Variants in THSD7A observed in about 807,000 individuals in gnomAD.
THSD7A encodes the protein thrombospondin type 1 domain containing 7A.
In THSD7A, 96 loss-of-function variants were observed where a neutral mutation model predicts 231.3. That is an observed-to-expected ratio of 0.41 (90% CI 0.35 to 0.49). The LOEUF is 0.49. Ranked by LOEUF, THSD7A falls within the 20% of genes least tolerant of loss-of-function variation. THSD7A has a pLI of 0.05. For synonymous variants in THSD7A, 940 were observed against 743.3 expected (o/e 1.26, Z -4.30); for missense variants, 2,290 against 2,070.2 (o/e 1.11, Z -2.06).
chr7:11,384,178 A>G (rs1317747195), intron 23 of THSD7A: 1 of 151,742 alleles, frequency 6.6e-6, no homozygotes, highest in African/African-American at 2.4e-5. Flanking sequence ...TATTTTTAAA[A>G]TTATACATGT....
chr7:11,485,143 C>A (rs1035409054), intron 6 of THSD7A, among the ~76,000 whole-genome samples: 3 of 151,978 alleles, frequency 2.0e-5, no homozygotes, highest in African/African-American at 7.3e-5. Context: ...CCTGCCTCAG[C>A]CTCCCAAAGT....
chr7:11,502,711 C>G (rs1276429801), intron 6 of THSD7A, among the ~76,000 whole-genome samples: 1 of 152,044 alleles, frequency 6.6e-6, no homozygotes, highest in East Asian at 1.9e-4. Context: ...TTCACAATTG[C>G]CACACACACA....
chr7:11,569,405 G>A (rs571739949), intron 4 of THSD7A, among the ~76,000 whole-genome samples: 2 of 152,112 alleles, frequency 1.3e-5, no homozygotes, highest in South Asian at 4.2e-4. Flanking sequence ...CATACAAATG[G>A]CCAACAGATA....
intron 4 of THSD7A, among the ~76,000 whole-genome samples, chr7:11,545,105 G>A (rs1583944599): frequency 6.6e-6 from 1 of 152,120 alleles, no homozygotes; most frequent in East Asian, 1.9e-4. Context: ...TTAAAGACAT[G>A]TATAGGCAGA....
At chr7:11,698,088 T>C (rs1185709581) in intron 1 of THSD7A, among the ~76,000 whole-genome samples, 1 of 151,444 alleles carries the variant, frequency 6.6e-6, no homozygotes, top group Non-Finnish European at 1.5e-5. Flanking sequence ...TCTGCTGGCA[T>C]GTCTGATTCT....
chr7:11,595,381 G>A (rs564405158), intron 2 of THSD7A, among the ~76,000 whole-genome samples: 35 of 152,184 alleles, frequency 2.3e-4, no homozygotes, highest in African/African-American at 6.5e-4. Flanking sequence ...AGATAGAGTC[G>A]GGTCAGGCTG....
chr7:11,602,525 T>G (rs964878092), intron 2 of THSD7A, among the ~76,000 whole-genome samples: 1 of 152,062 alleles, frequency 6.6e-6, no homozygotes, highest in Non-Finnish European at 1.5e-5. Flanking sequence ...CGTATTAGAA[T>G]TTGTCATGTT....
rs763604088 is a variant in THSD7A, at chr7:11,636,394, T to C, written c.758A>G (p.Tyr253Cys). 5.0e-6 allele frequency: 8 copies of C among 1,613,844 alleles called. No homozygotes were observed. The highest frequency in any genetic ancestry group is 1.7e-5 in the Admixed American group (1 of 60,028). ...SSPCEAEELRYSLHVGPWSTC... is the reference protein window; with the variant it reads ...SSPCEAEELRCSLHVGPWSTC... Reference sequence around the variant, plus strand: ...GCTCCAGGGCCCCACATGCAGGCTGTACCTGAGCTCCTCGGCCTCGCATGG... The same window carrying C: ...GCTCCAGGGCCCCACATGCAGGCTGCACCTGAGCTCCTCGGCCTCGCATGG... Residue 253 changes from tyrosine to cysteine, a missense_variant, in exon 2 of 28, where the codon TAC becomes TGC. Transcript: ENST00000423059. This position sits in a 1 kb window ranked among gnomAD's most constrained non-coding sequence, Gnocchi z 10.0.
intron 6 of THSD7A, among the ~76,000 whole-genome samples, chr7:11,523,563 C>A (rs1192719124): frequency 6.6e-6 from 1 of 151,866 alleles, no homozygotes; most frequent in Non-Finnish European, 1.5e-5. Flanking sequence ...CAGGAGTCTG[C>A]AGCTAGGAAA....
intron 13 of THSD7A, among the ~76,000 whole-genome samples, chr7:11,431,500 C>A (rs964271793): frequency 6.6e-6 from 1 of 152,098 alleles, no homozygotes; most frequent in Non-Finnish European, 1.5e-5. Flanking sequence ...AATCAGTTGA[C>A]CACAGTGTAA....
intron 23 of THSD7A, among the ~76,000 whole-genome samples, chr7:11,382,875 T>A (rs974989108): frequency 1.3e-5 from 2 of 151,436 alleles, no homozygotes; most frequent in African/African-American, 4.8e-5. Context: ...AAAAATATTA[T>A]GAAATAAATA....
At chr7:11,731,959 T>C (rs938992899) in intron 1 of THSD7A, among the ~76,000 whole-genome samples, 1 of 151,724 alleles carries the variant, frequency 6.6e-6, no homozygotes, top group Non-Finnish European at 1.5e-5. Flanking sequence ...AGTACACTAG[T>C]GTTTATGACA....
Position 11,731,940 on chromosome 7 carries a change from A to T in THSD7A, c.191-94979T>A, listed in dbSNP as rs1781750385. On this transcript the variant is annotated intron_variant, in intron 1 of 27. Transcript: ENST00000423059. Reference sequence around the variant, plus strand: ...CCCAAGTCCAGCTTATTTTAGCATCAGAATCCTTAGTACACTAGTGTTTAT... The same window carrying T: ...CCCAAGTCCAGCTTATTTTAGCATCTGAATCCTTAGTACACTAGTGTTTAT... Among the ~76,000 whole-genome samples, 10 of 151,848 alleles carry T rather than the reference A, an allele frequency of 6.6e-5. No homozygotes were observed. In the South Asian group the frequency reaches 2.1e-3, roughly 31 times the overall value.
intron 2 of THSD7A, among the ~76,000 whole-genome samples, chr7:11,625,298 A>T (rs1358971011): frequency 6.6e-6 from 1 of 152,100 alleles, no homozygotes; most frequent in African/African-American, 2.4e-5. Flanking sequence ...TGCTTCATTT[A>T]TTCCAGTATG....
At chr7:11,775,971 T>C (rs1285169789) in intron 1 of THSD7A, among the ~76,000 whole-genome samples, 1 of 152,176 alleles carries the variant, frequency 6.6e-6, no homozygotes, top group African/African-American at 2.4e-5. Flanking sequence ...GCCCTCACTA[T>C]TATAATTATA....
intron 1 of THSD7A, among the ~76,000 whole-genome samples, chr7:11,742,555 A>T (rs553866132): frequency 6.6e-6 from 1 of 152,070 alleles, no homozygotes; most frequent in African/African-American, 2.4e-5. Flanking sequence ...CTAATTGATG[A>T]AGTGCTCAGA....
intron 22 of THSD7A, among the ~76,000 whole-genome samples, chr7:11,403,205 T>A (rs1318077269): frequency 6.6e-6 from 1 of 152,202 alleles, no homozygotes; most frequent in Non-Finnish European, 1.5e-5. Context: ...TATTGCCTTA[T>A]ATTATGCTGA....
At chr7:11,828,992 T>C (rs576814232) in intron 1 of THSD7A, among the ~76,000 whole-genome samples, 2 of 152,134 alleles carry the variant, frequency 1.3e-5, no homozygotes, top group Non-Finnish European at 2.9e-5. Context: ...TCCAGTTCCA[T>C]TTAATGAATA....
At chr7:11,541,279 G>A (rs894269941) in intron 6 of THSD7A, 140 bp downstream of exon 6, 3 of 793,208 alleles carry the variant, frequency 3.8e-6, no homozygotes, top group Non-Finnish European at 6.2e-6. Context: ...GAAAGAGAGG[G>A]AGGGAGAGAG....
Sources: gnomAD v4.1 joint callset for allele counts (sites outside exome capture counted in the v4.1 genomes callset) on GRCh38, gnomAD v4.1.1 for gene constraint, Gnocchi (gnomAD v3.1) non-coding constraint, MANE v1.5 for transcripts, NCBI Gene and HGNC (gene_info 2026-07-23, HGNC 2026-07-21) for gene names.